The following NFASC variants were observed in gnomAD, a reference collection of about 807,000 sequenced individuals.
NFASC encodes the protein neurofascin.
Under a neutral mutation model 147.5 loss-of-function variants are expected in NFASC, and 43 were observed. The observed-to-expected ratio is 0.29, with a 90% CI of 0.23 to 0.38. NFASC has a LOEUF of 0.38. NFASC is among the 10% of genes least tolerant of loss of function. The pLI is 1.00. For missense variants in NFASC, 1,320 were observed against 1,689.0 expected, an observed-to-expected ratio of 0.78 and a Z score of 3.83; for synonymous variants, 622 against 665.5, an observed-to-expected ratio of 0.93 and a Z score of 1.01.
chr1:204,942,964 C>T (rs1029465336), intron 2 of NFASC, among the ~76,000 whole-genome samples: 1 of 152,214 alleles, frequency 6.6e-6, no homozygotes, highest in African/African-American at 2.4e-5. Context: ...CCCAGGATCT[C>T]TCGCCCCCTC....
intron 1 of NFASC, among the ~76,000 whole-genome samples, chr1:204,863,293 C>A (rs1354986865): frequency 6.6e-6 from 1 of 152,196 alleles, no homozygotes; most frequent in Non-Finnish European, 1.5e-5. Context: ...CTTCTGAAAA[C>A]TGTTTCATGT....
intron 24 of NFASC, 106 bp downstream of exon 24, chr1:204,991,412 C>A: frequency 8.5e-7 from 1 of 1,182,840 alleles, no homozygotes; most frequent in Non-Finnish European, 1.2e-6. Context: ...TGAAAGCATG[C>A]TCCAGACTCA....
intron 24 of NFASC, among the ~76,000 whole-genome samples, chr1:204,995,995 G>T (rs1187676349): frequency 6.6e-6 from 1 of 152,132 alleles, no homozygotes; most frequent in African/African-American, 2.4e-5. Flanking sequence ...GATCACAGGA[G>T]ATCCAGTGCA....
At chr1:204,927,737 A>G (rs188895705) in intron 2 of NFASC, among the ~76,000 whole-genome samples, 82 of 152,140 alleles carry the variant, frequency 5.4e-4, no homozygotes, top group African/African-American at 1.9e-3. Flanking sequence ...ACTCTTCTTT[A>G]ATGACAGAGC....
rs375706934 is a variant in NFASC at position 204,859,465 on chromosome 1, C to G, written c.-200+30683C>G. ...TATGGCCAACCAGAAAGTCTGTGTA[C>G]CTCACTATACTGTAAGCTCCATGGC... is the stretch of plus-strand genomic sequence containing the variant. On this transcript the variant is annotated intron_variant, in intron 1 of 29. Coordinates refer to ENST00000339876, the MANE Select transcript of NFASC (RefSeq NM_001005388.3). Among the ~76,000 whole-genome samples, 156 of 152,334 alleles carry G rather than the reference C, an allele frequency of 1.0e-3. 1 individual carries two copies. The highest frequency in any genetic ancestry group is 4.3e-3 in the South Asian group (21 of 4,830).
Position 204,962,327 on chromosome 1 carries a change from A to T in NFASC, c.706+4501A>T, listed in dbSNP as rs1274438420. Reference sequence around the variant, plus strand: ...TGCCAGGAGGCAGTGTGGGGGTTTGAGGTGGCTCACCTGGTGGTGTGGTCT... The same window carrying T: ...TGCCAGGAGGCAGTGTGGGGGTTTGTGGTGGCTCACCTGGTGGTGTGGTCT... On this transcript the variant is annotated intron_variant, in intron 8 of 29. Transcript: ENST00000339876. Among the ~76,000 whole-genome samples, 4 of 152,196 alleles carry T rather than the reference A, an allele frequency of 2.6e-5. No individual in the cohort carries two copies. The East Asian group carries it at 7.7e-4, about 29-fold the overall frequency.
At chr1:204,998,585 G>C (rs144106481) in intron 25 of NFASC, 1 of 152,198 alleles carries the variant, frequency 6.6e-6, no homozygotes, top group African/African-American at 2.4e-5. Flanking sequence ...TGAAAATGCT[G>C]GTTTGCTTCA....
intron 1 of NFASC, among the ~76,000 whole-genome samples, chr1:204,881,788 C>A (rs2080296072): frequency 6.6e-6 from 1 of 152,194 alleles, no homozygotes; most frequent in Non-Finnish European, 1.5e-5. Flanking sequence ...CTAGGCCTAC[C>A]TCGGCACTTC....
intron 1 of NFASC, among the ~76,000 whole-genome samples, chr1:204,854,852 G>C (rs966472945): frequency 6.6e-6 from 1 of 152,244 alleles, no homozygotes; most frequent in African/African-American, 2.4e-5. Context: ...TGGGCTAATA[G>C]CTGCTTCTCC....
chr1:204,982,802 G>A (rs188811719), intron 21 of NFASC, among the ~76,000 whole-genome samples: 31 of 152,356 alleles, frequency 2.0e-4, no homozygotes, highest in Admixed American at 2.0e-3. Context: ...TCGGAGAAGT[G>A]ATCATGTAGG....
chr1:204,890,235 A>G (rs1034369801), intron 1 of NFASC, among the ~76,000 whole-genome samples: 1 of 152,142 alleles, frequency 6.6e-6, no homozygotes, highest in African/African-American at 2.4e-5. Context: ...CCATCCATTC[A>G]CGCAGGTTGT....
At chr1:204,950,355 C>T (rs1045458447) in intron 3 of NFASC, among the ~76,000 whole-genome samples, 1 of 152,220 alleles carries the variant, frequency 6.6e-6, no homozygotes, top group Admixed American at 6.5e-5. Context: ...CCATAAGGCA[C>T]TCACTGGGTC....
At chr1:204,944,189 A>G in intron 2 of NFASC, 37 bp from the exon 3 acceptor site, 1 of 1,535,334 alleles carries the variant, frequency 6.5e-7, no homozygotes, top group Middle Eastern at 1.7e-4. Context: ...CCACAAGTTC[A>G]TGAAAAACTC....
chr1:204,930,596 G>A (rs1392091376), intron 2 of NFASC, among the ~76,000 whole-genome samples: 1 of 152,164 alleles, frequency 6.6e-6, no homozygotes, highest in Non-Finnish European at 1.5e-5. Flanking sequence ...ATGGATTTGG[G>A]AATAAACTCA....
chr1:204,923,406 T>C (rs557602404), intron 2 of NFASC, among the ~76,000 whole-genome samples: 6 of 152,106 alleles, frequency 3.9e-5, no homozygotes, highest in Non-Finnish European at 5.9e-5. Context: ...CCATCCCCAG[T>C]ACGTCCACTC....
intron 1 of NFASC, among the ~76,000 whole-genome samples, chr1:204,834,033 T>C (rs1462083394): frequency 1.3e-5 from 2 of 152,168 alleles, no homozygotes; most frequent in Admixed American, 6.5e-5. Flanking sequence ...CCTCGAAGAA[T>C]TGGCAGAATT....
rs11307141 is a variant in NFASC, at chr1:204,970,074, C to CAA, written c.1004-518_1004-517dup. 5.1e-3 allele frequency among the ~76,000 whole-genome samples: 333 copies of CAA among 65,330 alleles called. 6 individuals are homozygous for CAA. Among genetic ancestry groups the CAA allele is most frequent in the African/African-American group, 0.011 (169 of 15,684 alleles). 42.9% of individuals were successfully genotyped at this position (65,330 alleles called of 152,430 possible). On this transcript the variant is annotated intron_variant, in intron 10 of 29. Transcript: ENST00000339876. ...CTGGCGACAGAGCAAGACTCCATCT[C>CAA]AAAAAAAAAAAAAAAAAAAAAAAAA...
At chr1:204,837,985 A>T (rs894746565) in intron 1 of NFASC, among the ~76,000 whole-genome samples, 2 of 152,172 alleles carry the variant, frequency 1.3e-5, no homozygotes, top group Non-Finnish European at 2.9e-5. Context: ...TTTCATTATG[A>T]AAATGCACAC....
intron 1 of NFASC, among the ~76,000 whole-genome samples, chr1:204,915,456 G>T (rs2088981964): frequency 6.6e-6 from 1 of 151,896 alleles, no homozygotes; most frequent in Non-Finnish European, 1.5e-5. Flanking sequence ...TCTCTGGGAG[G>T]GTATACAACA....
Sources: allele counts gnomAD v4.1 joint callset (sites outside exome capture counted in the v4.1 genomes callset), GRCh38; gene constraint gnomAD v4.1.1; transcripts MANE v1.5; gene names NCBI Gene and HGNC (gene_info 2026-07-23, HGNC 2026-07-21).